The following CDH12 variants were observed in gnomAD, a reference collection of about 807,000 sequenced individuals.
CDH12 encodes the protein cadherin-12.
A neutral mutation model predicts 74.1 loss-of-function variants in CDH12; 41 were observed. The observed-to-expected ratio is 0.55, with a 90% CI of 0.43 to 0.72. The LOEUF (loss-of-function observed/expected upper bound fraction) is 0.72, where lower values mean the gene tolerates loss of function less well. Among genes scored for constraint, CDH12 ranks in the 30% least tolerant of loss-of-function variants. The pLI, the probability that CDH12 is intolerant of heterozygous loss-of-function variation, is 0.00. For missense variants in CDH12, 945 were observed against 977.2 expected, an observed-to-expected ratio of 0.97 and a Z score of 0.44; for synonymous variants, 399 against 355.0, an observed-to-expected ratio of 1.12 and a Z score of -1.39.
chr5:22,198,834 A>G, intron 4 of CDH12, among the ~76,000 whole-genome samples: 1 of 152,092 alleles, frequency 6.6e-6, no homozygotes, highest in Non-Finnish European at 1.5e-5. Context: ...CCTCTTTACC[A>G]ATCCTCAAGA....
chr5:22,350,216 A>G (rs546137480), intron 3 of CDH12, among the ~76,000 whole-genome samples: 2 of 152,346 alleles, frequency 1.3e-5, no homozygotes, highest in African/African-American at 2.4e-5. Context: ...CAAATTATAT[A>G]AATCACAGGA....
intron 6 of CDH12, among the ~76,000 whole-genome samples, chr5:21,902,623 A>G (rs1352700866): frequency 2.0e-5 from 3 of 152,178 alleles, no homozygotes; most frequent in Non-Finnish European, 2.9e-5. Flanking sequence ...TTAATTCTAA[A>G]TGAGTGCTAA....
At chr5:22,653,508 A>AG (rs1739849595) in intron 1 of CDH12, among the ~76,000 whole-genome samples, 1 of 151,884 alleles carries the variant, frequency 6.6e-6, no homozygotes, top group Non-Finnish European at 1.5e-5. Context: ...CAAATGCCAC[A>AG]ATATATCTAC....
intron 4 of CDH12, among the ~76,000 whole-genome samples, chr5:22,124,376 G>A (rs998901201): frequency 1.3e-5 from 2 of 151,854 alleles, no homozygotes; most frequent in African/African-American, 2.4e-5. Context: ...CGCACGACTC[G>A]GCCTCCCAAA....
chr5:22,782,539 A>G (rs146461928), intron 1 of CDH12, among the ~76,000 whole-genome samples: 91 of 152,266 alleles, frequency 6.0e-4, no homozygotes, highest in African/African-American at 2.1e-3. Context: ...CTGTGAGTCA[A>G]TTAAACCTCT....
intron 4 of CDH12, among the ~76,000 whole-genome samples, chr5:22,110,199 C>T (rs1744724040): frequency 6.6e-6 from 1 of 152,152 alleles, no homozygotes; most frequent in Non-Finnish European, 1.5e-5. Flanking sequence ...CCAGCATAAA[C>T]ATCTTGCACC....
intron 1 of CDH12, among the ~76,000 whole-genome samples, chr5:22,685,249 T>G (rs1240188770): frequency 6.6e-6 from 1 of 152,172 alleles, no homozygotes; most frequent in Non-Finnish European, 1.5e-5. Context: ...ATACTTTATT[T>G]TTTTTTGAGA....
At chr5:22,796,058 G>A (rs1748189737) in intron 1 of CDH12, among the ~76,000 whole-genome samples, 2 of 152,072 alleles carry the variant, frequency 1.3e-5, no homozygotes. Context: ...CTATTCCATT[G>A]TGTATATGAA....
At chr5:22,504,744 T>C (rs936641725) in intron 2 of CDH12, among the ~76,000 whole-genome samples, 1 of 152,078 alleles carries the variant, frequency 6.6e-6, no homozygotes, top group East Asian at 1.9e-4. Context: ...CAAGAAACAA[T>C]TGAACCAGTT....
chr5:22,228,877 T>C lies in CDH12; in HGVS notation c.-332-16234A>G, dbSNP rs867326077. ...TAACATAATTAAAGATAAAATAAATTAATCAAAGAAGCACTTTTTGTTTCA... is the reference window on the plus strand; with the variant it reads ...TAACATAATTAAAGATAAAATAAATCAATCAAAGAAGCACTTTTTGTTTCA... On this transcript the variant is annotated intron_variant, in intron 3 of 14. Transcript: ENST00000382254. Among the ~76,000 whole-genome samples the C allele has an allele frequency of 3.2e-4, 49 of 152,176 alleles. 1 individual carries two copies. Among genetic ancestry groups the C allele is most frequent in the South Asian group, 1.4e-3 (7 of 4,832 alleles).
intron 3 of CDH12, among the ~76,000 whole-genome samples, chr5:22,333,385 T>C (rs1410189312): frequency 6.6e-6 from 1 of 151,964 alleles, no homozygotes; most frequent in Non-Finnish European, 1.5e-5. Flanking sequence ...AAAACCTAGA[T>C]GATGGGTTGA....
chr5:22,742,166 A>G (rs776993139), intron 1 of CDH12, among the ~76,000 whole-genome samples: 2 of 151,908 alleles, frequency 1.3e-5, no homozygotes, highest in Non-Finnish European at 2.9e-5. Context: ...TGGGTGACAG[A>G]GCAAGACTCC....
intron 2 of CDH12, among the ~76,000 whole-genome samples, chr5:22,498,561 CTGTCACCCAGAATA>C (rs1747199443): frequency 6.6e-6 from 1 of 151,886 alleles, no homozygotes; most frequent in Admixed American, 6.6e-5. Flanking sequence ...ATTTTTCTCT[CTGTCACCCAGAATA>C]TGTCACCCAA....
At chr5:22,529,521 C>T (rs571595043) in intron 1 of CDH12, among the ~76,000 whole-genome samples, 1 of 152,178 alleles carries the variant, frequency 6.6e-6, no homozygotes, top group African/African-American at 2.4e-5. Flanking sequence ...GGAGAGTCAG[C>T]CTTTTGGTTC....
At chr5:22,221,663 A>G (rs1006139723) in intron 3 of CDH12, among the ~76,000 whole-genome samples, 1 of 151,868 alleles carries the variant, frequency 6.6e-6, no homozygotes, top group East Asian at 1.9e-4. Flanking sequence ...TAGCTGGCCA[A>G]TAACATCTTA....
intron 1 of CDH12, among the ~76,000 whole-genome samples, chr5:22,704,788 G>A (rs1414954044): frequency 6.6e-6 from 1 of 151,884 alleles, no homozygotes; most frequent in Non-Finnish European, 1.5e-5. Flanking sequence ...CATACGTGTG[G>A]TATTTATGCT....
At chr5:22,368,060 G>T (rs970784797) in intron 3 of CDH12, among the ~76,000 whole-genome samples, 8 of 151,952 alleles carry the variant, frequency 5.3e-5, no homozygotes, top group Non-Finnish European at 1.2e-4. Context: ...TGTAACTTCT[G>T]CAGTCTTCTA....
intron 8 of CDH12, among the ~76,000 whole-genome samples, chr5:21,818,630 T>C (rs1748196847): frequency 6.6e-6 from 1 of 151,964 alleles, no homozygotes; most frequent in Non-Finnish European, 1.5e-5. Context: ...TGTGATTTGG[T>C]CTCAAGAGAG....
intron 5 of CDH12, among the ~76,000 whole-genome samples, chr5:21,981,730 A>G (rs1407317566): frequency 6.6e-6 from 1 of 152,154 alleles, no homozygotes; most frequent in Non-Finnish European, 1.5e-5. Context: ...GGCCCAAGCT[A>G]CAGTGCAGTG....
Sources: allele counts gnomAD v4.1 joint callset (sites outside exome capture counted in the v4.1 genomes callset), GRCh38; gene constraint gnomAD v4.1.1; transcripts MANE v1.5; gene names NCBI Gene and HGNC (gene_info 2026-07-23, HGNC 2026-07-21).